LHFPL6: variants seen among roughly 807,000 people sequenced by gnomAD.
The protein encoded by LHFPL6 is LHFPL tetraspan subfamily member 6, also known as LHFPL tetraspan subfamily member 6 protein.
Under a neutral mutation model 20.6 loss-of-function variants are expected in LHFPL6, and 9 were observed. The observed-to-expected ratio is 0.44, with a 90% CI of 0.26 to 0.76. LHFPL6 has a LOEUF of 0.76. Ranked by LOEUF, LHFPL6 falls within the 30% of genes least tolerant of loss-of-function variation. The pLI, the probability that LHFPL6 is intolerant of heterozygous loss-of-function variation, is 0.20. For synonymous variants in LHFPL6, 105 were observed against 98.7 expected, an observed-to-expected ratio of 1.06 and a Z score of -0.38; for missense variants, 218 against 253.5, an observed-to-expected ratio of 0.86 and a Z score of 0.95.
intron 3 of LHFPL6, among the ~76,000 whole-genome samples, chr13:39,363,778 A>G (rs948835851): frequency 6.6e-5 from 10 of 152,188 alleles, no homozygotes; most frequent in African/African-American, 2.4e-4. Flanking sequence ...GGGTACTTGC[A>G]CCACATAATT....
At chr13:39,402,513 A>T (rs553391568) in intron 2 of LHFPL6, among the ~76,000 whole-genome samples, 1 of 152,306 alleles carries the variant, frequency 6.6e-6, no homozygotes, top group Non-Finnish European at 1.5e-5. Flanking sequence ...TATAGGCATG[A>T]GCCACTGTGC....
chr13:39,352,968 C>CAT lies in LHFPL6; in HGVS notation c.485-8915_485-8914insAT, dbSNP rs1303719891. On this transcript the variant is annotated intron_variant, in intron 3 of 3. Coordinates refer to ENST00000379589, the MANE Select transcript of LHFPL6 (RefSeq NM_005780.3). ...ATATATATATACATACATACACACA[C>CAT]ACACATATATATATATATATAATTT... Among the ~76,000 whole-genome samples, 794 of 85,830 alleles carry CAT rather than the reference C, an allele frequency of 9.3e-3. 16 individuals carry two copies. Among genetic ancestry groups the CAT allele is most frequent in the Non-Finnish European group, 0.011 (554 of 48,906 alleles). 56.3% of individuals were successfully genotyped at this position (85,830 alleles called of 152,430 possible). A position where few individuals can be genotyped will look rare whatever the true frequency, so the allele number is the denominator to read the frequency against.
chr13:39,573,594 G>A (rs117278930), intron 2 of LHFPL6, among the ~76,000 whole-genome samples: 1 of 151,930 alleles, frequency 6.6e-6, no homozygotes, highest in African/African-American at 2.4e-5. Context: ...CTTTTACATG[G>A]TATAACTTTT....
chr13:39,589,053 ACAATTT>A (rs1199213512), intron 2 of LHFPL6, among the ~76,000 whole-genome samples: 1 of 152,236 alleles, frequency 6.6e-6, no homozygotes, highest in African/African-American at 2.4e-5. Context: ...TCTGGAGCTT[ACAATTT>A]CAATTTCATG....
intron 2 of LHFPL6, among the ~76,000 whole-genome samples, chr13:39,444,945 T>G (rs564425786): frequency 4.6e-5 from 7 of 152,316 alleles, no homozygotes; most frequent in African/African-American, 1.7e-4. Flanking sequence ...TTGTGAGAGC[T>G]GCTGGGTGGA....
chr13:39,555,332 T>A (rs2138515167), intron 2 of LHFPL6, among the ~76,000 whole-genome samples: 1 of 152,150 alleles, frequency 6.6e-6, no homozygotes, highest in East Asian at 1.9e-4. Flanking sequence ...CCCTTTTTTT[T>A]TTTTTTTTGC....
At chr13:39,423,618 C>G (rs1360548721) in intron 2 of LHFPL6, among the ~76,000 whole-genome samples, 1 of 151,974 alleles carries the variant, frequency 6.6e-6, no homozygotes, top group Non-Finnish European at 1.5e-5. Context: ...AATGCAAAAG[C>G]TGACACACAA....
At chr13:39,576,461 T>C (rs1872118831) in intron 2 of LHFPL6, among the ~76,000 whole-genome samples, 1 of 152,208 alleles carries the variant, frequency 6.6e-6, no homozygotes, top group Admixed American at 6.5e-5. Context: ...AAGCAAAGCT[T>C]TCATACTATT....
At chr13:39,552,012 T>G (rs1226442955) in intron 2 of LHFPL6, among the ~76,000 whole-genome samples, 1 of 152,246 alleles carries the variant, frequency 6.6e-6, no homozygotes, top group South Asian at 2.1e-4. Context: ...GAATTAGCTA[T>G]ATACTGCTGG....
chr13:39,466,134 TAGG>T (rs1417168861), intron 2 of LHFPL6, among the ~76,000 whole-genome samples: 1 of 152,150 alleles, frequency 6.6e-6, no homozygotes, highest in Non-Finnish European at 1.5e-5. Context: ...TATCTTTCAC[TAGG>T]AGAAGAGATT....
intron 2 of LHFPL6, among the ~76,000 whole-genome samples, chr13:39,525,156 G>A (rs1291672038): frequency 1.3e-5 from 2 of 152,186 alleles, no homozygotes; most frequent in African/African-American, 4.8e-5. Flanking sequence ...GGCAGAAGGT[G>A]GCAAGAGGTG....
intron 2 of LHFPL6, among the ~76,000 whole-genome samples, chr13:39,502,204 T>C (rs897086665): frequency 2.0e-5 from 3 of 152,186 alleles, no homozygotes; most frequent in African/African-American, 7.2e-5. Flanking sequence ...AGAGGTTAAG[T>C]AGCTTGGCCA....
At chr13:39,435,613 G>A (rs1281103207) in intron 2 of LHFPL6, among the ~76,000 whole-genome samples, 3 of 152,130 alleles carry the variant, frequency 2.0e-5, no homozygotes, top group Admixed American at 1.3e-4. Flanking sequence ...ATGCAAGACA[G>A]GATGGTGGAT....
At chr13:39,588,676 T>C (rs1042065139) in intron 2 of LHFPL6, among the ~76,000 whole-genome samples, 1 of 152,232 alleles carries the variant, frequency 6.6e-6, no homozygotes, top group Non-Finnish European at 1.5e-5. Context: ...TATCTTCACA[T>C]TGGTAGCATT....
chr13:39,575,064 A>G (rs1364320942), intron 2 of LHFPL6, among the ~76,000 whole-genome samples: 1 of 151,820 alleles, frequency 6.6e-6, no homozygotes. Context: ...AGCAAACTCC[A>G]TCTCAAGAAA....
chr13:39,576,942 A>G lies in LHFPL6; in HGVS notation c.385+23890T>C, dbSNP rs575957450. ...CCAGTCCTGCATTAGATATATGAAC[A>G]TTATTATTCTATTACCCTTACCTTC... On this transcript the variant is annotated intron_variant, in intron 2 of 3. Coordinates refer to ENST00000379589, the MANE Select transcript of LHFPL6 (RefSeq NM_005780.3). Among the ~76,000 whole-genome samples, 197 of 152,300 alleles carry G rather than the reference A, an allele frequency of 1.3e-3. 1 individual carries two copies. Among genetic ancestry groups the G allele is most frequent in the Admixed American group, 1.2e-3 (19 of 15,302 alleles).
Position 39,594,044 on chromosome 13 carries a change from AC to A in LHFPL6, c.385+6787del, listed in dbSNP as rs1170317774. Among the ~76,000 whole-genome samples the A allele has an allele frequency of 7.9e-5, 12 of 152,180 alleles. 1 individual carries two copies. In the South Asian group the frequency reaches 2.1e-3, roughly 26 times the overall value. On this transcript the variant is annotated intron_variant, in intron 2 of 3. Coordinates refer to ENST00000379589, the MANE Select transcript of LHFPL6 (RefSeq NM_005780.3). Reference sequence around the variant, plus strand: ...GAAAACTTAGGCATTACCATTCAGGACATAGGCATGGGCAAGGACTTCATGT... The same window carrying A: ...GAAAACTTAGGCATTACCATTCAGGAATAGGCATGGGCAAGGACTTCATGT...
intron 2 of LHFPL6, among the ~76,000 whole-genome samples, chr13:39,444,339 A>T (rs966740011): frequency 1.3e-5 from 2 of 152,232 alleles, no homozygotes; most frequent in African/African-American, 4.8e-5. Flanking sequence ...AGAATAAAAA[A>T]GTTTGTTCAG....
intron 2 of LHFPL6, among the ~76,000 whole-genome samples, chr13:39,510,801 G>T (rs1869669710): frequency 6.6e-6 from 1 of 151,804 alleles, no homozygotes; most frequent in South Asian, 2.1e-4. Flanking sequence ...AATTGAAGAG[G>T]AAAACTACAG....
Sources: allele counts gnomAD v4.1 joint callset (sites outside exome capture counted in the v4.1 genomes callset), GRCh38; gene constraint gnomAD v4.1.1; transcripts MANE v1.5; gene names NCBI Gene and HGNC (gene_info 2026-07-23, HGNC 2026-07-21).